FRMPD4: variants seen among roughly 807,000 people sequenced by gnomAD.
The protein encoded by FRMPD4 is FERM and PDZ domain containing 4.
Under a neutral mutation model 94.1 loss-of-function variants are expected in FRMPD4, and 22 were observed. That is an observed-to-expected ratio of 0.23 (90% CI 0.17 to 0.33). The LOEUF is 0.33. FRMPD4 is among the 10% of genes least tolerant of loss of function. FRMPD4 has a pLI of 1.00. For synonymous variants in FRMPD4, 631 were observed against 548.6 expected (o/e 1.15, Z -2.10); for missense variants, 1,111 against 1,339.9 (o/e 0.83, Z 2.67).
chrX:11,992,852 G>T (rs1229962649), intron 3 of FRMPD4, among the ~76,000 whole-genome samples: 1 of 109,896 alleles, frequency 9.1e-6, no homozygotes, highest in Non-Finnish European at 1.9e-5. Flanking sequence ...TTGGTGGAAG[G>T]TAAGGGAGTA....
intron 3 of FRMPD4, among the ~76,000 whole-genome samples, chrX:12,021,152 G>C (rs1336650536): frequency 8.9e-6 from 1 of 111,769 alleles, no homozygotes; most frequent in Non-Finnish European, 1.9e-5. Context: ...CCCAGGAGTG[G>C]AGAGGTATTT....
chrX:12,644,530 C>T (rs937535662), intron 4 of FRMPD4, among the ~76,000 whole-genome samples: 4 of 111,132 alleles, frequency 3.6e-5, no homozygotes, highest in Non-Finnish European at 5.7e-5. Context: ...TGTGCTTAAC[C>T]CTAAACTTGG....
At chrX:12,624,999 G>C (rs937406411) in intron 4 of FRMPD4, among the ~76,000 whole-genome samples, 1 of 111,864 alleles carries the variant, frequency 8.9e-6, no homozygotes, top group Non-Finnish European at 1.9e-5. Context: ...TTTATCAAAA[G>C]AAGGCATAGA....
chrX:12,522,922 C>T (rs772971263), intron 2 of FRMPD4, among the ~76,000 whole-genome samples: 1 of 111,869 alleles, frequency 8.9e-6, no homozygotes, highest in South Asian at 3.8e-4. Context: ...TTGTCTAATG[C>T]CTATTTTACA....
intron 1 of FRMPD4, among the ~76,000 whole-genome samples, chrX:11,854,888 C>A (rs2053645412): frequency 8.9e-6 from 1 of 111,890 alleles, no homozygotes; most frequent in African/African-American, 3.2e-5. Context: ...TCTCACAGCT[C>A]CACCAGGCAA....
intron 3 of FRMPD4, among the ~76,000 whole-genome samples, chrX:11,969,096 G>A (rs1400688834): frequency 8.9e-6 from 1 of 112,675 alleles, no homozygotes; most frequent in Non-Finnish European, 1.9e-5. Context: ...TACGAGGGTA[G>A]TAAGCTTTGG....
chrX:12,084,083 G>A (rs2055084032), intron 3 of FRMPD4, among the ~76,000 whole-genome samples: 1 of 108,511 alleles, frequency 9.2e-6, no homozygotes, highest in Non-Finnish European at 1.9e-5. Context: ...GGAGGGGCCA[G>A]GGGGCAGAAT....
chrX:11,958,993 CA>C (rs201212437), intron 3 of FRMPD4, among the ~76,000 whole-genome samples: 2 of 110,488 alleles, frequency 1.8e-5, no homozygotes, highest in East Asian at 2.8e-4. Flanking sequence ...ATCATGATGC[CA>C]AAAAAAACCC....
chrX:12,185,584 C>T (rs1357703877), intron 1 of FRMPD4, among the ~76,000 whole-genome samples: 1 of 110,893 alleles, frequency 9.0e-6, no homozygotes, highest in East Asian at 2.9e-4. Context: ...CTATCTTTCT[C>T]TTTCCATTGC....
chrX:12,401,186 G>A (rs1033005483), intron 1 of FRMPD4, among the ~76,000 whole-genome samples: 1 of 111,378 alleles, frequency 9.0e-6, no homozygotes, highest in Admixed American at 9.5e-5. Context: ...CTACCTCAGG[G>A]TGAATAATTC....
intron 1 of FRMPD4, among the ~76,000 whole-genome samples, chrX:12,404,337 T>C (rs1422403808): frequency 8.9e-6 from 1 of 112,100 alleles, no homozygotes; most frequent in Non-Finnish European, 1.9e-5. Flanking sequence ...ATGGCCCACA[T>C]TTCCATTGGT....
At chrX:12,391,479 C>T (rs2056474305) in intron 1 of FRMPD4, among the ~76,000 whole-genome samples, 2 of 111,833 alleles carry the variant, frequency 1.8e-5, no homozygotes, top group African/African-American at 3.3e-5. Flanking sequence ...CTCGCTGGGA[C>T]ATTAGTCTCT....
chrX:12,702,427 G>T (rs1293130460), intron 10 of FRMPD4, among the ~76,000 whole-genome samples: 3 of 111,772 alleles, frequency 2.7e-5, no homozygotes, highest in African/African-American at 6.5e-5. Context: ...GGGGATATAG[G>T]ATTCAAACCC....
intron 1 of FRMPD4, among the ~76,000 whole-genome samples, chrX:12,148,291 C>T (rs963930803): frequency 9.8e-5 from 11 of 112,029 alleles, no homozygotes; most frequent in Admixed American, 2.9e-4. Context: ...AACACACAAA[C>T]GATAAGAAAG....
chrX:12,040,605 G>C (rs1172411264), intron 3 of FRMPD4, among the ~76,000 whole-genome samples: 2 of 91,985 alleles, frequency 2.2e-5, no homozygotes, highest in African/African-American at 8.3e-5. Flanking sequence ...TGTCACCCAG[G>C]CTGGAGTGCA....
intron 4 of FRMPD4, among the ~76,000 whole-genome samples, chrX:12,673,213 G>A (rs4338301): frequency 0.42 from 47,087 of 111,071 alleles, 7,601 homozygotes; most frequent in Middle Eastern, 0.47. Flanking sequence ...TGGCTACCAC[G>A]CTCACACATT....
intron 3 of FRMPD4, among the ~76,000 whole-genome samples, chrX:12,047,434 A>G (rs2054792041): frequency 8.9e-6 from 1 of 111,920 alleles, no homozygotes; most frequent in Non-Finnish European, 1.9e-5. Context: ...AGATTAATAA[A>G]CACAAGAAAT....
At chrX:12,019,664 C>T (rs1028105945) in intron 3 of FRMPD4, among the ~76,000 whole-genome samples, 7 of 109,592 alleles carry the variant, frequency 6.4e-5, no homozygotes, top group Admixed American at 2.9e-4. Context: ...TCACTTGCCC[C>T]ATAATGTCCT....
chrX:12,716,447 G>A lies in FRMPD4; in HGVS notation c.1988G>A (p.Gly663Asp). The change falls in exon 15 of 17, where the codon GGT (glycine) becomes GAT (aspartate). Residue 663 changes from glycine (G) to aspartate (D), a missense_variant. Physicochemically the swap from Gly to Asp is moderately conservative, Grantham distance 94 (BLOSUM62 -1). Around this residue, in one of 8 missense-constraint regions of FRMPD4, gnomAD observed 192 missense variants for 192.5 expected, o/e 1.00. Coordinates refer to ENST00000675598, the MANE Select transcript of FRMPD4 (RefSeq NM_001368397.1). ...FIFGDFALDDGISPPTLGYET... is the reference protein window; with the variant it reads ...FIFGDFALDDDISPPTLGYET... Reference sequence around the variant, plus strand: ...TTTGGAGACTTCGCCTTGGATGATGGTATTAGTCCCCCAACCCTTGGCTAT... The same window carrying A: ...TTTGGAGACTTCGCCTTGGATGATGATATTAGTCCCCCAACCCTTGGCTAT... 2.5e-6 allele frequency: 3 copies of A among 1,209,868 alleles called. No homozygotes were observed. Among genetic ancestry groups the A allele is most frequent in the Non-Finnish European group, 3.4e-6 (3 of 894,210 alleles).
Sources: allele counts gnomAD v4.1 joint callset (sites outside exome capture counted in the v4.1 genomes callset), GRCh38; gene constraint gnomAD v4.1.1; regional missense constraint gnomAD v4.1.1; transcripts MANE v1.5; gene names NCBI Gene and HGNC (gene_info 2026-07-23, HGNC 2026-07-21).